The following PAK3 variants were observed in gnomAD, a reference collection of about 807,000 sequenced individuals.
The protein encoded by PAK3 is p21 (RAC1) activated kinase 3.
Under a neutral mutation model 41.0 loss-of-function variants are expected in PAK3, and 4 were observed. The ratio of observed to expected loss-of-function variants is 0.10; its 90% CI spans 0.05 to 0.22. PAK3 has a LOEUF of 0.22. Ranked by LOEUF, PAK3 falls within the 10% of genes least tolerant of loss-of-function variation. The pLI, the probability that PAK3 is intolerant of heterozygous loss-of-function variation, is 1.00. For synonymous variants in PAK3, 146 were observed against 139.6 expected (o/e 1.05, Z -0.32); for missense variants, 205 against 409.9 (o/e 0.50, Z 4.32).
intron 7 of PAK3, among the ~76,000 whole-genome samples, chrX:111,152,108 G>C (rs1303471290): frequency 8.9e-6 from 1 of 112,283 alleles, no homozygotes; most frequent in Non-Finnish European, 1.9e-5. Flanking sequence ...GACTACTATA[G>C]ATGTACAGAA....
At chrX:111,116,338 C>T (rs181134113) in intron 4 of PAK3, among the ~76,000 whole-genome samples, 80 of 110,936 alleles carry the variant, frequency 7.2e-4, no homozygotes, top group African/African-American at 2.5e-3. Context: ...CTTATTTTCT[C>T]TTTTTAGAAG....
At chrX:111,052,476 A>G (rs763751765) in intron 1 of PAK3, among the ~76,000 whole-genome samples, 6 of 112,836 alleles carry the variant, frequency 5.3e-5, no homozygotes, top group Admixed American at 3.7e-4. Flanking sequence ...AGTGCTTACT[A>G]TGTGCCAGAC....
intron 16 of PAK3, among the ~76,000 whole-genome samples, chrX:111,209,838 A>AT (rs780616005): frequency 1.2e-4 from 14 of 112,601 alleles, no homozygotes; most frequent in Non-Finnish European, 2.4e-4. Context: ...TATTGAGTAC[A>AT]TATGGATTGT....
chrX:111,005,449 C>A (rs2091908682), intron 1 of PAK3, among the ~76,000 whole-genome samples: 1 of 111,737 alleles, frequency 8.9e-6, no homozygotes, highest in African/African-American at 3.3e-5. Flanking sequence ...AATGCAAAAG[C>A]CTGCTGGCTC....
chrX:111,131,582 C>T (rs1003852737), intron 5 of PAK3, among the ~76,000 whole-genome samples: 5 of 110,784 alleles, frequency 4.5e-5, no homozygotes, highest in Admixed American at 1.9e-4. Context: ...TGTAGGCCCA[C>T]ACAATGATAG....
chrX:111,036,059 T>A (rs190728203), intron 1 of PAK3, among the ~76,000 whole-genome samples: 4 of 112,490 alleles, frequency 3.6e-5, no homozygotes, highest in Non-Finnish European at 7.5e-5. Context: ...CCCAGTGTAT[T>A]GCTAAATCCA....
intron 1 of PAK3, among the ~76,000 whole-genome samples, chrX:110,955,123 C>T (rs1375420732): frequency 8.9e-6 from 1 of 112,240 alleles, no homozygotes; most frequent in East Asian, 2.8e-4. Flanking sequence ...CATTGATCTA[C>T]GACTGATACG....
At chrX:111,042,460 GAGCATTAAACCA>G (rs1204320092) in intron 1 of PAK3, among the ~76,000 whole-genome samples, 2 of 111,758 alleles carry the variant, frequency 1.8e-5, no homozygotes, top group Non-Finnish European at 3.8e-5. Context: ...AGTGAGAGTA[GAGCATTAAACCA>G]AGGATAGGGC....
At chrX:110,969,094 A>ATTTTTTTTTTTTTTTTTTTTTTTTTTT (rs60724970) in intron 1 of PAK3, among the ~76,000 whole-genome samples, 1 of 40,618 alleles carries the variant, frequency 2.5e-5, no homozygotes, top group Non-Finnish European at 4.0e-5. Flanking sequence ...GACCTGCCTA[A>ATTTTTTTTTTTTTTTTTTTTTTTTTTT]TTTTTTTTTT....
At chrX:111,027,013 G>C (rs745664935) in intron 1 of PAK3, among the ~76,000 whole-genome samples, 1 of 111,222 alleles carries the variant, frequency 9.0e-6, no homozygotes, top group Non-Finnish European at 1.9e-5. Flanking sequence ...CAAACACTTA[G>C]AGCCAACTTA....
At chrX:111,087,435 AAG>A (rs1555991225) in intron 1 of PAK3, among the ~76,000 whole-genome samples, 2 of 108,375 alleles carry the variant, frequency 1.8e-5, no homozygotes, top group Non-Finnish European at 3.9e-5. Context: ...AAAAAAAAAA[AAG>A]GATTGATTAT....
rs768823678 is a variant in PAK3 at position 110,998,391 on chromosome X, C to A, written c.-28+53763C>A. Reference sequence around the variant, plus strand: ...GAGTGGTCACTTATGTCAAGCACTGCAGATAGCTCAAGTAAGATGAGAACT... The same window carrying A: ...GAGTGGTCACTTATGTCAAGCACTGAAGATAGCTCAAGTAAGATGAGAACT... On this transcript the variant is annotated intron_variant, in intron 1 of 14. Coordinates refer to the PAK3 transcript ENST00000425146. Among the ~76,000 whole-genome samples the A allele has an allele frequency of 1.2e-4, 13 of 112,176 alleles. No homozygotes were observed. In the South Asian group the frequency reaches 4.9e-3, roughly 42 times the overall value.
intron 1 of PAK3, among the ~76,000 whole-genome samples, chrX:111,038,312 T>G (rs2092420203): frequency 8.9e-6 from 1 of 112,406 alleles, no homozygotes; most frequent in African/African-American, 3.2e-5. Flanking sequence ...ATTATCACCC[T>G]GTGACTTTGG....
intron 11 of PAK3, among the ~76,000 whole-genome samples, chrX:111,179,231 C>G (rs1471313673): frequency 9.1e-6 from 1 of 109,626 alleles, no homozygotes; most frequent in Non-Finnish European, 1.9e-5. Context: ...AGCAGTTACT[C>G]AAATATATTA....
intron 5 of PAK3, among the ~76,000 whole-genome samples, chrX:111,127,573 T>C (rs1244187197): frequency 9.0e-6 from 1 of 111,584 alleles, no homozygotes; most frequent in Non-Finnish European, 1.9e-5. Flanking sequence ...TATGATACTT[T>C]ACTGTAGAAA....
intron 1 of PAK3, among the ~76,000 whole-genome samples, chrX:110,987,720 C>T (rs2091571232): frequency 8.9e-6 from 1 of 111,911 alleles, no homozygotes; most frequent in Admixed American, 9.5e-5. Flanking sequence ...TGCTCTTTGT[C>T]TCTGGTGGTT....
At chrX:110,951,445 G>T (rs184071924) in intron 1 of PAK3, among the ~76,000 whole-genome samples, 1 of 111,801 alleles carries the variant, frequency 8.9e-6, no homozygotes, top group Non-Finnish European at 1.9e-5. Context: ...AAATTCCTAG[G>T]ATTAGATTTG....
At chrX:110,965,614 C>T (rs988206096) in intron 1 of PAK3, among the ~76,000 whole-genome samples, 1 of 112,526 alleles carries the variant, frequency 8.9e-6, no homozygotes, top group Non-Finnish European at 1.9e-5. Context: ...TGATTACTCA[C>T]TAGCAGCAAG....
At chrX:111,096,117 C>T (rs754231774), upstream of PAK3, among the ~76,000 whole-genome samples, 6 of 112,159 alleles carry the variant, frequency 5.3e-5, no homozygotes, top group Non-Finnish European at 1.1e-4. Flanking sequence ...ATCTGATTGG[C>T]CTAGGTAAGG....
Sources: allele counts gnomAD v4.1 joint callset (sites outside exome capture counted in the v4.1 genomes callset), GRCh38; gene constraint gnomAD v4.1.1; transcripts MANE v1.5; gene names NCBI Gene and HGNC (gene_info 2026-07-23, HGNC 2026-07-21).